CILP2: variants seen among roughly 807,000 people sequenced by gnomAD.
CILP2 encodes cartilage intermediate layer protein 2.
Under a neutral mutation model 45.6 loss-of-function variants are expected in CILP2, and 38 were observed. That is an observed-to-expected ratio of 0.83 (90% CI 0.64 to 1.09). The LOEUF (loss-of-function observed/expected upper bound fraction) is 1.09. CILP2 is among the 50% of genes least tolerant of loss of function. The pLI is 0.00. For synonymous variants in CILP2, 780 were observed against 723.5 expected, an observed-to-expected ratio of 1.08 and a Z score of -1.25; for missense variants, 1,735 against 1,662.2, an observed-to-expected ratio of 1.04 and a Z score of -0.76.
intron 7 of CILP2, 36 bp from the exon 8 acceptor site, chr19:19,543,645 T>A (rs1404430012): frequency 6.4e-7 from 1 of 1,560,682 alleles, no homozygotes; most frequent in East Asian, 2.2e-5. Context: ...GAAGTCCTCC[T>A]CCCTGCCCTG....
Position 19,544,754 on chromosome 19 carries a change from T to G in CILP2, c.2209T>G (p.Cys737Gly). Residue 737 changes from cysteine (C) to glycine (G), a missense_variant, in exon 8 of 8, where the codon TGC (cysteine) becomes GGC (glycine). Coordinates refer to ENST00000291495, the MANE Select transcript of CILP2 (RefSeq NM_153221.2). ...FNLDVPERRR[C>G]FVKVRAYAND... is the part of the protein sequence containing the mutation. ...TCTGGACGTGCCTGAGCGCCGCCGC[T>G]GCTTCGTGAAGGTGCGCGCCTACGC... The G allele has an allele frequency of 6.2e-7, 1 of 1,606,762 alleles. No homozygotes were observed. Among genetic ancestry groups the G allele is most frequent in the Non-Finnish European group, 8.5e-7 (1 of 1,179,306 alleles).
In CILP2 at chr19:19,541,128, C is replaced by G. The variant is rs1600376381; in HGVS notation, c.474C>G (p.Cys158Trp). 7.9e-7 allele frequency: 1 copy of G among 1,259,716 alleles called. No individual in the cohort carries two copies. Among genetic ancestry groups the G allele is most frequent in the Admixed American group, 3.7e-5 (1 of 27,168 alleles). The allele number at this position is 1,259,716 out of a possible 1,614,324, so 78.0% of individuals were successfully genotyped here. A position where few individuals can be genotyped will look rare whatever the true frequency, so the allele number is the denominator to read the frequency against. ...SWGAWGPWGPCSGSCGPGRRL... is the reference protein window; with the variant it reads ...SWGAWGPWGPWSGSCGPGRRL... The stretch of plus-strand genomic sequence containing the variant: ...GCGCGTGGGGCCCGTGGGGTCCCTG[C>G]TCGGGGAGCTGTGGGCCAGGCCGTC... Residue 158 changes from cysteine to tryptophan, a missense_variant, in exon 4 of 8, where the codon TGC becomes TGG. Physicochemically the swap from Cys to Trp is radical, Grantham distance 215. Coordinates refer to ENST00000291495, the MANE Select transcript of CILP2 (RefSeq NM_153221.2).
In CILP2 at chr19:19,544,959, A is replaced by C. The variant is rs768541875; in HGVS notation, c.2414A>C (p.Tyr805Ser). The C allele has an allele frequency of 6.3e-7, 1 of 1,597,128 alleles. No homozygotes were observed. The highest frequency in any genetic ancestry group is 8.5e-7 in the Non-Finnish European group (1 of 1,178,310). ...TGCGACGCCGACAGGCCAGACGCCT[A>C]CACCGCCCTGGTCACCGCCACCCTG... The part of the protein sequence containing the change: ...AFCDADRPDA[Y>S]TALVTATLGG... Residue 805 changes from tyrosine (Y) to serine (S), a missense_variant, in exon 8 of 8, where the codon TAC becomes TCC. By Grantham distance (144) the Tyr-to-Ser change is moderately radical (BLOSUM62 -2). Transcript: ENST00000291495.
chr19:19,540,073 C>A, intron 2 of CILP2, 131 bp from the exon 3 acceptor site: 2 of 1,268,392 alleles, frequency 1.6e-6, no homozygotes, highest in South Asian at 1.6e-5. Context: ...GCCGCTGGCT[C>A]GGGTCGTGGG....
chr19:19,539,802 C>G lies in CILP2; in HGVS notation c.163+25C>G, dbSNP rs1486424775. 7 of 1,538,562 alleles carry G rather than the reference C, an allele frequency of 4.5e-6. No homozygotes were observed. The South Asian group carries it at 6.0e-5, about 13-fold the overall frequency. On this transcript the variant is annotated intron_variant, in intron 2 of 7. Coordinates refer to ENST00000291495, the MANE Select transcript of CILP2 (RefSeq NM_153221.2). ...GGTGAGTTAGCCTGCCTCGGAGTCC[C>G]GTCTCTGCTGCGGGCTTGTTGGGGG...
intron 7 of CILP2, 132 bp from the exon 8 acceptor site, chr19:19,543,549 C>A: frequency 7.4e-7 from 1 of 1,344,912 alleles, no homozygotes; most frequent in Non-Finnish European, 1.0e-6. Context: ...CTCTGAGCAC[C>A]AACCTTCAGT....
At position 19,545,089 on chromosome 19, in the gene CILP2, C is replaced by G; in HGVS notation, c.2544C>G (p.Asp848Glu). The change falls in exon 8 of 8, where the codon GAC (aspartate) becomes GAG (glutamate). Residue 848 changes from aspartate to glutamate, a missense_variant. Asp to Glu is a conservative substitution (Grantham distance 45). Coordinates refer to ENST00000291495, the MANE Select transcript of CILP2 (RefSeq NM_153221.2). ...YLDRLGYRRT[D>E]HDDPAFKRNG... ...ACAGGCTGGGGTACCGTCGGACGGA[C>G]CACGACGATCCCGCCTTCAAGCGTA... 6.2e-7 allele frequency: 1 copy of G among 1,610,892 alleles called. No homozygotes were observed. The highest frequency in any genetic ancestry group is 8.5e-7 in the Non-Finnish European group (1 of 1,179,294).
Position 19,545,696 on chromosome 19 carries a change from C to A in CILP2, c.3151C>A (p.Pro1051Thr). The A allele has an allele frequency of 6.2e-7, 1 of 1,612,716 alleles. No homozygotes were observed. Among genetic ancestry groups the A allele is most frequent in the Non-Finnish European group, 8.5e-7 (1 of 1,179,658 alleles). The change falls in exon 8 of 8, where the codon CCC becomes ACC. Residue 1051 changes from proline (P) to threonine (T), a missense_variant. Transcript: ENST00000291495. ...CCCAGCTGCCTTCTCCATGCTGGCC[C>A]CCCTAGACCCTCTGGGCCACAACTA... ...EDPAAFSMLA[P>T]LDPLGHNYGV...
Position 19,542,445 on chromosome 19 carries a change from A to T in CILP2, c.663A>T (p.Gln221His). The change falls in exon 5 of 8, where the codon CAA (glutamine) becomes CAT (histidine). Residue 221 changes from glutamine (Q) to histidine (H), a missense_variant. Coordinates refer to ENST00000291495, the MANE Select transcript of CILP2 (RefSeq NM_153221.2). ...GCTCGGTGGTCACCCCATCTGGGCA[A>T]CCACTGCTAGGAGCCAGGGTCTCCC... Reference protein sequence around the residue: ...LLGSVVTPSGQPLLGARVSLR... With the variant: ...LLGSVVTPSGHPLLGARVSLR... 6.2e-7 allele frequency: 1 copy of T among 1,612,462 alleles called. No individual in the cohort carries two copies. The highest frequency in any genetic ancestry group is 8.5e-7 in the Non-Finnish European group (1 of 1,179,942).
Position 19,542,532 on chromosome 19 carries a change from T to C in CILP2, c.750T>C (p.Gly250=), listed in dbSNP as rs1219339072. ...SDAHGTFRVP[G]VCADSRANIR... ...CTCACGGAACCTTCCGGGTGCCTGGTGTCTGTGCTGACAGCCGCGCCAACA... is the reference window on the plus strand; with the variant it reads ...CTCACGGAACCTTCCGGGTGCCTGGCGTCTGTGCTGACAGCCGCGCCAACA... Residue 250 remains glycine, a synonymous_variant, in exon 5 of 8, where the codon GGT becomes GGC. Coordinates refer to ENST00000291495, the MANE Select transcript of CILP2 (RefSeq NM_153221.2). 5 of 1,613,890 alleles carry C rather than the reference T, an allele frequency of 3.1e-6. No individual in the cohort carries two copies. Among genetic ancestry groups the C allele is most frequent in the Non-Finnish European group, 4.2e-6 (5 of 1,180,034 alleles).
chr19:19,542,464 G>C lies in CILP2; in HGVS notation c.682G>C (p.Val228Leu), dbSNP rs554252208. The change falls in exon 5 of 8, where the codon GTC becomes CTC. Residue 228 changes from valine to leucine, a missense_variant. Coordinates refer to ENST00000291495, the MANE Select transcript of CILP2 (RefSeq NM_153221.2). ...PSGQPLLGAR[V>L]SLRDQPGTVA... ...TGGGCAACCACTGCTAGGAGCCAGG[G>C]TCTCCCTGCGAGACCAGCCTGGCAC... 1.2e-6 allele frequency: 2 copies of C among 1,613,198 alleles called. No homozygotes were observed. Among genetic ancestry groups the C allele is most frequent in the African/African-American group, 2.7e-5 (2 of 75,042 alleles).
Position 19,545,287 on chromosome 19 carries a change from C to T in CILP2, c.2742C>T (p.Phe914=), listed in dbSNP as rs555369254. Residue 914 remains phenylalanine, a synonymous_variant, in exon 8 of 8, where the codon TTC becomes TTT. Transcript: ENST00000291495. ...ADKYEYNVVP[F]REGTPASWTG... The stretch of plus-strand genomic sequence containing the variant: ...AGTACGAGTACAACGTGGTCCCCTT[C>T]CGAGAGGGCACACCTGCCTCCTGGA... The T allele has an allele frequency of 3.1e-6, 5 of 1,613,006 alleles. No individual in the cohort carries two copies. In the East Asian group the frequency reaches 1.1e-4, roughly 36 times the overall value.
At chr19:19,542,140 C>T (rs1473115166) in intron 4 of CILP2, among the ~76,000 whole-genome samples, 2 of 152,184 alleles carry the variant, frequency 1.3e-5, no homozygotes, top group Non-Finnish European at 2.9e-5. Context: ...TCCTATAGGA[C>T]CTCTTCCCTA....
In CILP2 at chr19:19,542,859, C is replaced by T; in HGVS notation, c.869-5C>T. ...AGCTCTGATCTTTACCACCTTTGAC[C>T]CCAGAGAAGCCGTACCTGGTGAAAC... On this transcript the variant is annotated splice_region_variant and splice_polypyrimidine_tract_variant and intron_variant, in intron 5 of 7. Transcript: ENST00000291495. The T allele has an allele frequency of 6.2e-7, 1 of 1,609,582 alleles. No homozygotes were observed. Among genetic ancestry groups the T allele is most frequent in the East Asian group, 2.2e-5 (1 of 44,850 alleles).
chr19:19,543,256 A>T lies in CILP2; in HGVS notation c.986A>T (p.Asn329Ile). ...GCTCACCTGCCATCCAGGTTCCACAATGGGACCCTGCTGGACAGGCGAGCT... is the reference window on the plus strand; with the variant it reads ...GCTCACCTGCCATCCAGGTTCCACATTGGGACCCTGCTGGACAGGCGAGCT... ...PMPKKYSWFH[N>I]GTLLDRRAHG... The change falls in exon 7 of 8, where the codon AAT (asparagine) becomes ATT (isoleucine). Residue 329 changes from asparagine (N) to isoleucine (I), a missense_variant. By Grantham distance (149) the Asn-to-Ile change is moderately radical. Coordinates refer to ENST00000291495, the MANE Select transcript of CILP2 (RefSeq NM_153221.2). 7 of 1,613,006 alleles carry T rather than the reference A, an allele frequency of 4.3e-6. No homozygotes were observed. The highest frequency in any genetic ancestry group is 5.9e-6 in the Non-Finnish European group (7 of 1,179,806).
rs1161506947 is a variant in CILP2, at chr19:19,545,072, G to T, written c.2527G>T (p.Gly843Trp). ...CACCCAGCCCTACCTGGACAGGCTG[G>T]GGTACCGTCGGACGGACCACGACGA... ...GVTQPYLDRLGYRRTDHDDPA... is the reference protein window; with the variant it reads ...GVTQPYLDRLWYRRTDHDDPA... Residue 843 changes from glycine (G) to tryptophan (W), a missense_variant, in exon 8 of 8, where the codon GGG becomes TGG. Transcript: ENST00000291495. The T allele has an allele frequency of 8.1e-6, 13 of 1,609,436 alleles. No individual in the cohort carries two copies. Among genetic ancestry groups the T allele is most frequent in the African/African-American group, 2.7e-5 (2 of 74,872 alleles).
In CILP2 at chr19:19,545,699, CT is replaced by C; in HGVS notation, c.3155del (p.Leu1052GlnfsTer41). 2.5e-6 allele frequency: 4 copies of C among 1,612,708 alleles called. No individual in the cohort carries two copies. Among genetic ancestry groups the C allele is most frequent in the South Asian group, 2.2e-5 (2 of 90,976 alleles). On this transcript the variant is annotated frameshift_variant, in exon 8 of 8. Coordinates refer to ENST00000291495, the MANE Select transcript of CILP2 (RefSeq NM_153221.2). LOFTEE classifies it low-confidence loss of function (END_TRUNC). Reference protein sequence around the residue: ...DPAAFSMLAPLDPLGHNYGVY... With the variant: ...DPAAFSMLAPXDPLGHNYGVY... ...AGCTGCCTTCTCCATGCTGGCCCCCCTAGACCCTCTGGGCCACAACTATGGC... is the reference window on the plus strand; with the variant it reads ...AGCTGCCTTCTCCATGCTGGCCCCCCAGACCCTCTGGGCCACAACTATGGC...
intron 1 of CILP2, 151 bp downstream of exon 1, chr19:19,538,564 C>A: frequency 1.7e-6 from 1 of 589,228 alleles, no homozygotes; most frequent in Non-Finnish European, 2.8e-6. Context: ...TCCCCGCGAC[C>A]ACCTGGGGCG....
chr19:19,540,926 G>T, intron 3 of CILP2, 165 bp from the exon 4 acceptor site: 1 of 615,778 alleles, frequency 1.6e-6, no homozygotes. Flanking sequence ...GGCGCGCCTA[G>T]GGGAGCATGG....
Sources: allele counts gnomAD v4.1 joint callset (sites outside exome capture counted in the v4.1 genomes callset), GRCh38; gene constraint gnomAD v4.1.1; transcripts MANE v1.5; gene names NCBI Gene and HGNC (gene_info 2026-07-23, HGNC 2026-07-21).